Variants in RBFOX3 observed in about 807,000 individuals in gnomAD.
The protein encoded by RBFOX3 is RNA binding fox-1 homolog 3, also known as RNA binding protein fox-1 homolog 3.
A neutral mutation model predicts 48.7 loss-of-function variants in RBFOX3; 17 were observed. The ratio of observed to expected loss-of-function variants is 0.35; its 90% CI spans 0.24 to 0.52. RBFOX3 has a LOEUF of 0.52. Among genes scored for constraint, RBFOX3 ranks in the 20% least tolerant of loss-of-function variants. The pLI is 0.94. For missense variants in RBFOX3, 382 were observed against 497.5 expected (o/e 0.77, Z 2.21); for synonymous variants, 212 against 209.5 (o/e 1.01, Z -0.10).
At chr17:79,542,886 G>T (rs1485388132) in intron 1 of RBFOX3, among the ~76,000 whole-genome samples, 4 of 152,164 alleles carry the variant, frequency 2.6e-5, no homozygotes, top group African/African-American at 9.7e-5. Flanking sequence ...TATGTAAATT[G>T]TATAAGGGAT....
intron 3 of RBFOX3, among the ~76,000 whole-genome samples, chr17:79,306,214 TCCCTGAGCCCTGCTAAGAGCA>T (rs2076071097): frequency 6.6e-6 from 1 of 152,140 alleles, no homozygotes; most frequent in African/African-American, 2.4e-5. Context: ...GGCCGTGACC[TCCCTGAGCCCTGCTAAGAGCA>T]CCCATGCACG....
intron 2 of RBFOX3, among the ~76,000 whole-genome samples, chr17:79,359,555 G>T (rs2085889845): frequency 6.6e-6 from 1 of 152,098 alleles, no homozygotes; most frequent in Admixed American, 6.5e-5. Context: ...ACCCAGACAG[G>T]CCAATCACAT....
intron 1 of RBFOX3, among the ~76,000 whole-genome samples, chr17:79,557,710 G>C (rs1024966273): frequency 3.9e-5 from 6 of 152,248 alleles, no homozygotes; most frequent in Non-Finnish European, 2.9e-5. Flanking sequence ...CAGGCTGAGG[G>C]AGGCTGGACA....
intron 12 of RBFOX3, 131 bp from the exon 13 acceptor site, chr17:79,095,705 CCAGCCTCG>C (rs2075092406): frequency 4.0e-6 from 3 of 746,490 alleles, no homozygotes; most frequent in Non-Finnish European, 6.6e-6. Flanking sequence ...TCCCAGCCTC[CCAGCCTCG>C]GCTGGGTAAG....
At chr17:79,576,709 AGATGGAGATCATGCAGAAGATGGAGAT>A (rs1356714006) in intron 1 of RBFOX3, among the ~76,000 whole-genome samples, 1 of 151,798 alleles carries the variant, frequency 6.6e-6, no homozygotes, top group Non-Finnish European at 1.5e-5. Context: ...ATGATAGAGA[AGATGGAGATCATGCAGAAGATGGAGAT>A]GATGGAGATC....
At chr17:79,150,045 G>GGTT (rs2044046915) in intron 4 of RBFOX3, among the ~76,000 whole-genome samples, 2 of 47,024 alleles carry the variant, frequency 4.3e-5, no homozygotes, top group South Asian at 9.1e-4. Flanking sequence ...TGGGGGTGGG[G>GGTT]GATGGGGATG....
At chr17:79,262,971 G>A (rs937478586) in intron 3 of RBFOX3, among the ~76,000 whole-genome samples, 11 of 152,266 alleles carry the variant, frequency 7.2e-5, no homozygotes, top group African/African-American at 2.7e-4. Flanking sequence ...AACTCTGCAG[G>A]TGAGGCTGCA....
intron 9 of RBFOX3, 141 bp from the exon 10 acceptor site, chr17:79,097,886 C>G (rs2075688030): frequency 1.3e-6 from 1 of 798,188 alleles, no homozygotes; most frequent in South Asian, 1.6e-5. Context: ...CCCCCCTTTC[C>G]CACACTGCCC....
chr17:79,093,393 C>T (rs999802358), intron 14 of RBFOX3, among the ~76,000 whole-genome samples: 3 of 152,104 alleles, frequency 2.0e-5, no homozygotes, highest in Non-Finnish European at 4.4e-5. Flanking sequence ...GGGAACCCTC[C>T]GTGCGTTAAT....
rs1320328797 is a variant in RBFOX3 at position 79,421,657 on chromosome 17, C to A, written c.-175+60797G>T. On this transcript the variant is annotated intron_variant, in intron 2 of 14. Coordinates refer to ENST00000693108, the MANE Select transcript of RBFOX3 (RefSeq NM_001350451.2). This position sits in a 1 kb window ranked among gnomAD's most constrained non-coding sequence, Gnocchi z 4.5. ...GGCATGCGGGACCCCAGGGGCACAC[C>A]GAACGCGGTCACCATAGGACCAAAC... Among the ~76,000 whole-genome samples, 1 of 152,106 alleles carries A rather than the reference C, an allele frequency of 6.6e-6. No individual in the cohort carries two copies. Among genetic ancestry groups the A allele is most frequent in the African/African-American group, 2.4e-5 (1 of 41,416 alleles).
chr17:79,544,300 A>G (rs1257232796), intron 1 of RBFOX3, among the ~76,000 whole-genome samples: 1 of 152,136 alleles, frequency 6.6e-6, no homozygotes, highest in Non-Finnish European at 1.5e-5. Context: ...GCCCCCAAGG[A>G]TGCCATGAGC....
chr17:79,104,179 A>G (rs1478932130), intron 6 of RBFOX3, 53 bp from the exon 7 acceptor site: 1 of 1,450,034 alleles, frequency 6.9e-7, no homozygotes, highest in African/African-American at 1.4e-5. Context: ...GTGCGGGTTA[A>G]GACTGCTGGC....
In RBFOX3 at chr17:79,477,469, T is replaced by G. The variant is rs1465496779; in HGVS notation, c.-175+4985A>C. ...TACTTGGGAGGCTGAGGCAGGAGAA[T>G]GGCGTGAACCCGGGAGGCGGAGTTT... On this transcript the variant is annotated intron_variant, in intron 2 of 14. Transcript: ENST00000693108. This position sits in a 1 kb window ranked among gnomAD's most constrained non-coding sequence, Gnocchi z 4.8. 6.0e-5 allele frequency among the ~76,000 whole-genome samples: 9 copies of G among 150,924 alleles called. No individual in the cohort carries two copies. Among genetic ancestry groups the G allele is most frequent in the Non-Finnish European group, 1.3e-4 (9 of 67,846 alleles).
chr17:79,648,049 C>T, the RBFOX3 span, among the ~76,000 whole-genome samples: 1 of 151,996 alleles, frequency 6.6e-6, no homozygotes, highest in Non-Finnish European at 1.5e-5. Flanking sequence ...CAGCAGGGGA[C>T]ACGGAGCCCA....
chr17:79,660,491 A>T, the RBFOX3 span, among the ~76,000 whole-genome samples: 2 of 152,248 alleles, frequency 1.3e-5, no homozygotes, highest in Admixed American at 6.5e-5. Context: ...AAGAGATATG[A>T]ACAGACACAT....
At chr17:79,521,555 C>T (rs1276751361) in intron 1 of RBFOX3, among the ~76,000 whole-genome samples, 3 of 152,168 alleles carry the variant, frequency 2.0e-5, no homozygotes, top group African/African-American at 7.2e-5. Context: ...CACACACACA[C>T]TCATGCACAG....
intron 4 of RBFOX3, among the ~76,000 whole-genome samples, chr17:79,158,385 T>C (rs1022841307): frequency 6.6e-6 from 1 of 152,208 alleles, no homozygotes; most frequent in Admixed American, 6.5e-5. Context: ...GGGATAGCAA[T>C]GTGCCCACCT....
intron 4 of RBFOX3, among the ~76,000 whole-genome samples, chr17:79,123,254 T>A (rs1221012215): frequency 6.6e-6 from 1 of 152,106 alleles, no homozygotes; most frequent in Non-Finnish European, 1.5e-5. Flanking sequence ...CTTGAGGAGG[T>A]GGACACCCCA....
chr17:79,637,539 C>CA, the RBFOX3 span, among the ~76,000 whole-genome samples: 1 of 151,556 alleles, frequency 6.6e-6, no homozygotes, highest in Non-Finnish European at 1.5e-5. Context: ...ATTAAAAATA[C>CA]AAAAAATTAG....
Sources: gnomAD v4.1 joint callset for allele counts (sites outside exome capture counted in the v4.1 genomes callset) on GRCh38, gnomAD v4.1.1 for gene constraint, Gnocchi (gnomAD v3.1) non-coding constraint, MANE v1.5 for transcripts, NCBI Gene and HGNC (gene_info 2026-07-23, HGNC 2026-07-21) for gene names.